ZNF804A: variants seen among roughly 807,000 people sequenced by gnomAD.
ZNF804A encodes the protein zinc finger protein 804A.
In ZNF804A, 2 loss-of-function variants were observed where a neutral mutation model predicts 16.5. The ratio of observed to expected loss-of-function variants is 0.12; its 90% CI spans 0.05 to 0.38. ZNF804A has a LOEUF of 0.38. Among genes scored for constraint, ZNF804A ranks in the 10% least tolerant of loss-of-function variants. ZNF804A has a pLI of 0.99. For synonymous variants in ZNF804A, 534 were observed against 489.6 expected, an observed-to-expected ratio of 1.09 and a Z score of -1.20; for missense variants, 1,473 against 1,390.7, an observed-to-expected ratio of 1.06 and a Z score of -0.94.
chr2:184,747,597 T>C (rs1305951088), intron 1 of ZNF804A, among the ~76,000 whole-genome samples: 2 of 151,306 alleles, frequency 1.3e-5, no homozygotes, highest in African/African-American at 4.8e-5. Flanking sequence ...CATAATTTCT[T>C]ATTTATTTTA....
chr2:184,750,487 A>C (rs1244535994), intron 1 of ZNF804A, among the ~76,000 whole-genome samples: 1 of 151,340 alleles, frequency 6.6e-6, no homozygotes, highest in African/African-American at 2.4e-5. Flanking sequence ...ATATAGTTGC[A>C]CTAATCGTTT....
intron 2 of ZNF804A, among the ~76,000 whole-genome samples, chr2:184,880,984 A>T (rs1684801705): frequency 6.6e-6 from 1 of 152,122 alleles, no homozygotes; most frequent in Admixed American, 6.6e-5. Context: ...CATTCAGGAG[A>T]TAGTTGAAAC....
intron 1 of ZNF804A, among the ~76,000 whole-genome samples, chr2:184,632,117 G>T (rs567619189): frequency 6.6e-5 from 10 of 151,864 alleles, no homozygotes; most frequent in Non-Finnish European, 1.0e-4. Flanking sequence ...ACCTTTACAA[G>T]TGGTCAGTAG....
chr2:184,629,464 T>C (rs1473586349), intron 1 of ZNF804A, among the ~76,000 whole-genome samples: 2 of 152,150 alleles, frequency 1.3e-5, no homozygotes, highest in African/African-American at 4.8e-5. Flanking sequence ...TTCAAAGTTT[T>C]ATGTGTTACA....
chr2:184,843,854 A>G (rs1305597170), intron 1 of ZNF804A, among the ~76,000 whole-genome samples: 1 of 152,150 alleles, frequency 6.6e-6, no homozygotes, highest in East Asian at 1.9e-4. Context: ...TTTAATTGGT[A>G]TAATTAGGCC....
intron 1 of ZNF804A, among the ~76,000 whole-genome samples, chr2:184,606,599 C>T (rs1029020007): frequency 2.0e-5 from 3 of 152,128 alleles, no homozygotes; most frequent in African/African-American, 2.4e-5. Context: ...ATGTGGACAA[C>T]CAGTTGACAC....
intron 1 of ZNF804A, among the ~76,000 whole-genome samples, chr2:184,733,943 G>T (rs976139220): frequency 6.6e-6 from 1 of 150,662 alleles, no homozygotes; most frequent in East Asian, 1.9e-4. Context: ...ATATCATTTT[G>T]TTGATCTTTT....
At chr2:184,610,895 C>T (rs997083134) in intron 1 of ZNF804A, among the ~76,000 whole-genome samples, 2 of 152,150 alleles carry the variant, frequency 1.3e-5, no homozygotes, top group Non-Finnish European at 2.9e-5. Context: ...ATAAAATTAG[C>T]TATGTATGGA....
chr2:184,728,753 C>T (rs1443771785), intron 1 of ZNF804A, among the ~76,000 whole-genome samples: 1 of 151,670 alleles, frequency 6.6e-6, no homozygotes, highest in Non-Finnish European at 1.5e-5. Context: ...ATTTAGCTTG[C>T]TTAAGAAAAA....
At chr2:184,881,214 T>A (rs1451782819) in intron 2 of ZNF804A, among the ~76,000 whole-genome samples, 8 of 151,668 alleles carry the variant, frequency 5.3e-5, no homozygotes, top group Non-Finnish European at 1.2e-4. Flanking sequence ...CAGACAAAAA[T>A]AAAGAGAAAA....
intron 2 of ZNF804A, among the ~76,000 whole-genome samples, chr2:184,872,759 A>T (rs1447452195): frequency 6.6e-6 from 1 of 152,104 alleles, no homozygotes; most frequent in Non-Finnish European, 1.5e-5. Context: ...TCTCAAGCTG[A>T]TTCCAAAATT....
chr2:184,752,340 G>T (rs533430494), intron 1 of ZNF804A, among the ~76,000 whole-genome samples: 1 of 151,692 alleles, frequency 6.6e-6, no homozygotes, highest in African/African-American at 2.4e-5. Flanking sequence ...AGCATGGATG[G>T]AGCTGAAGGT....
intron 1 of ZNF804A, among the ~76,000 whole-genome samples, chr2:184,795,062 A>C (rs72903752): frequency 0.05 from 7,644 of 152,238 alleles, 251 homozygotes; most frequent in Middle Eastern, 0.078. Flanking sequence ...TATACCTTAG[A>C]ACAAATGGAT....
At chr2:184,837,656 A>G (rs1695372618) in intron 1 of ZNF804A, among the ~76,000 whole-genome samples, 1 of 152,156 alleles carries the variant, frequency 6.6e-6, no homozygotes, top group African/African-American at 2.4e-5. Flanking sequence ...AATTTGAAAA[A>G]CAAACATGAT....
At chr2:184,702,924 TA>T (rs2105732129) in intron 1 of ZNF804A, among the ~76,000 whole-genome samples, 1 of 152,322 alleles carries the variant, frequency 6.6e-6, no homozygotes, top group Non-Finnish European at 1.5e-5. Flanking sequence ...GCCAATTTTA[TA>T]AGCATATTTA....
intron 2 of ZNF804A, among the ~76,000 whole-genome samples, chr2:184,913,211 A>G (rs1264453493): frequency 6.6e-6 from 1 of 152,104 alleles, no homozygotes; most frequent in Non-Finnish European, 1.5e-5. Flanking sequence ...TTATGTAGTT[A>G]TTGTTATAAA....
chr2:184,918,126 T>A (rs1402092170), intron 2 of ZNF804A, among the ~76,000 whole-genome samples: 1 of 152,132 alleles, frequency 6.6e-6, no homozygotes, highest in East Asian at 1.9e-4. Flanking sequence ...CCAGATATGA[T>A]CTTCCTTACC....
chr2:184,599,183 A>T (rs1292167420), intron 1 of ZNF804A, 113 bp downstream of exon 1: 5 of 822,306 alleles, frequency 6.1e-6, no homozygotes, highest in East Asian at 2.8e-5. Context: ...TCATTTTTTT[A>T]TCTGGTGGGC....
intron 2 of ZNF804A, among the ~76,000 whole-genome samples, chr2:184,921,116 A>G (rs1685522138): frequency 6.6e-6 from 1 of 152,188 alleles, no homozygotes; most frequent in African/African-American, 2.4e-5. Context: ...TCCATCATTG[A>G]CCAAAGTGTT....
Sources: allele counts gnomAD v4.1 joint callset (sites outside exome capture counted in the v4.1 genomes callset), GRCh38; gene constraint gnomAD v4.1.1; transcripts MANE v1.5; gene names NCBI Gene and HGNC (gene_info 2026-07-23, HGNC 2026-07-21).